OTUD7A: variants seen among roughly 807,000 people sequenced by gnomAD.
The protein encoded by OTUD7A is OTU domain-containing protein 7A.
OTUD7A carries 12 observed loss-of-function variants against 65.7 expected under a neutral mutation model. The ratio of observed to expected loss-of-function variants is 0.18; its 90% confidence interval spans 0.12 to 0.30. The LOEUF (loss-of-function observed/expected upper bound fraction) is 0.30, where lower values mean the gene tolerates loss of function less well. Among genes scored for constraint, OTUD7A ranks in the 10% least tolerant of loss-of-function variants. The pLI is 1.00. For synonymous variants in OTUD7A, 641 were observed against 586.3 expected (o/e 1.09, Z -1.35); for missense variants, 1,148 against 1,304.8 (o/e 0.88, Z 1.85).
intron 3 of OTUD7A, among the ~76,000 whole-genome samples, chr15:31,645,364 C>T (rs1394554469): frequency 6.6e-6 from 1 of 152,200 alleles, no homozygotes; most frequent in Non-Finnish European, 1.5e-5. Flanking sequence ...GTGGAAGTTT[C>T]CTGGTGCTGT....
At chr15:31,531,098 G>A (rs1163088695) in intron 5 of OTUD7A, among the ~76,000 whole-genome samples, 1 of 152,120 alleles carries the variant, frequency 6.6e-6, no homozygotes, top group African/African-American at 2.4e-5. Flanking sequence ...ACATTTCTTT[G>A]TAATTTCCTT....
At chr15:31,865,029 C>A (rs939366420) in intron 1 of OTUD7A, among the ~76,000 whole-genome samples, 1 of 99,064 alleles carries the variant, frequency 1.0e-5, no homozygotes, top group African/African-American at 3.1e-5. Context: ...CTTGTGGCCC[C>A]CCCCTGGGGT....
chr15:31,641,859 TAA>T (rs769613799), intron 3 of OTUD7A, among the ~76,000 whole-genome samples: 2 of 152,212 alleles, frequency 1.3e-5, no homozygotes, highest in Non-Finnish European at 2.9e-5. Context: ...CACCTGTGAA[TAA>T]AGATAGTTTG....
intron 3 of OTUD7A, among the ~76,000 whole-genome samples, chr15:31,571,752 T>C (rs1246863001): frequency 6.6e-6 from 1 of 152,226 alleles, no homozygotes; most frequent in African/African-American, 2.4e-5. Flanking sequence ...AGCCAGCTAG[T>C]AAGCAACGGA....
intron 1 of OTUD7A, chr15:31,767,603 C>T: frequency 1.2e-6 from 1 of 813,932 alleles, no homozygotes; most frequent in Non-Finnish European, 2.2e-6. Context: ...GGATGGCACA[C>T]CTAAAATAGT....
At chr15:31,827,836 A>G (rs1206397141) in intron 1 of OTUD7A, among the ~76,000 whole-genome samples, 1 of 78,654 alleles carries the variant, frequency 1.3e-5, no homozygotes, top group Non-Finnish European at 2.8e-5. Context: ...CTGTGGCAGG[A>G]GAATTGCTTG....
chr15:31,590,078 G>A (rs956220473), intron 3 of OTUD7A, among the ~76,000 whole-genome samples: 1 of 152,058 alleles, frequency 6.6e-6, no homozygotes, highest in African/African-American at 2.4e-5. Flanking sequence ...CACATACAAT[G>A]GTATTCTCAC....
Position 31,484,025 on chromosome 15 carries a change from CGGCAGCGGCGGCCGCAGT to C in OTUD7A, c.2053_2070del (p.Thr685_Ala690del). 1 of 1,232,804 alleles carries C rather than the reference CGGCAGCGGCGGCCGCAGT, an allele frequency of 8.1e-7. No homozygotes were observed. The highest frequency in any genetic ancestry group is 1.0e-6 in the Non-Finnish European group (1 of 990,992). The allele number at this position is 1,232,804 out of a possible 1,614,324, so 76.4% of individuals were successfully genotyped here. ...TTGGCCGTGGCGGCGGCGGCGGCGG[CGGCAGCGGCGGCCGCAGT>C]AGCGGCGTCGCGGCGCCGCTGCTCC... On this transcript the variant is annotated inframe_deletion, in exon 13 of 13. Transcript: ENST00000307050. The surrounding 1 kb of genome is among the most constrained non-coding windows in gnomAD (Gnocchi z 4.5).
intron 3 of OTUD7A, among the ~76,000 whole-genome samples, chr15:31,602,843 T>C (rs1163493519): frequency 2.0e-5 from 3 of 152,124 alleles, no homozygotes; most frequent in African/African-American, 4.8e-5. Context: ...CCATTCACAA[T>C]TGCTACTAAG....
At chr15:31,633,827 C>T (rs1595673333) in intron 3 of OTUD7A, among the ~76,000 whole-genome samples, 1 of 152,172 alleles carries the variant, frequency 6.6e-6, no homozygotes, top group African/African-American at 2.4e-5. Context: ...CTATCTTGCT[C>T]CCCACCCGCT....
rs552460320 is a variant in OTUD7A at position 31,837,788 on chromosome 15, T to C, written c.-100+32719A>G. ...ATATGGACAAGCTTAATCTAAAATATTTATGGAAAGGCAAAGAAGTTGGAA... is the reference window on the plus strand; with the variant it reads ...ATATGGACAAGCTTAATCTAAAATACTTATGGAAAGGCAAAGAAGTTGGAA... On this transcript the variant is annotated intron_variant, in intron 1 of 12. Coordinates refer to ENST00000307050, the MANE Select transcript of OTUD7A (RefSeq NM_001382637.1). Among the ~76,000 whole-genome samples the C allele has an allele frequency of 2.6e-5, 4 of 152,312 alleles. No homozygotes were observed. In the South Asian group the frequency reaches 8.3e-4, roughly 32 times the overall value.
intron 3 of OTUD7A, 93 bp downstream of exon 3, chr15:31,655,003 C>G (rs929777215): frequency 1.5e-4 from 219 of 1,446,946 alleles, no homozygotes; most frequent in African/African-American, 2.1e-4. Flanking sequence ...ACTTAGTGCT[C>G]AAGTACCACT....
At chr15:31,522,287 G>A (rs1034297577) in intron 8 of OTUD7A, among the ~76,000 whole-genome samples, 1 of 152,206 alleles carries the variant, frequency 6.6e-6, no homozygotes, top group African/African-American at 2.4e-5. Flanking sequence ...CAGTGGCGGA[G>A]GGCGGAATAA....
intron 1 of OTUD7A, among the ~76,000 whole-genome samples, chr15:31,779,748 T>C (rs755606886): frequency 5.9e-5 from 9 of 152,006 alleles, no homozygotes; most frequent in Non-Finnish European, 1.3e-4. Context: ...CCGGGCCACT[T>C]TGGAGCCCTA....
chr15:31,826,159 C>T (rs1896792424), intron 1 of OTUD7A, among the ~76,000 whole-genome samples: 1 of 152,238 alleles, frequency 6.6e-6, no homozygotes. Context: ...CTGTGTGGGG[C>T]TCCGACCCCA....
chr15:31,583,477 C>T (rs1014680493), intron 3 of OTUD7A, among the ~76,000 whole-genome samples: 1 of 151,974 alleles, frequency 6.6e-6, no homozygotes, highest in African/African-American at 2.4e-5. Context: ...CCCATAATTC[C>T]CGTACGTTGT....
At chr15:31,860,872 A>ATTTTTTTT (rs5811669) in intron 1 of OTUD7A, among the ~76,000 whole-genome samples, 3 of 87,040 alleles carry the variant, frequency 3.4e-5, no homozygotes, top group East Asian at 3.4e-4. Context: ...TGCCCAGCTA[A>ATTTTTTTT]TTTTTTTTTT....
At chr15:31,651,026 T>C (rs1351055922) in intron 3 of OTUD7A, among the ~76,000 whole-genome samples, 1 of 135,986 alleles carries the variant, frequency 7.4e-6, no homozygotes, top group African/African-American at 2.9e-5. Context: ...TTAATAGAAA[T>C]GACTGAATCT....
intron 3 of OTUD7A, among the ~76,000 whole-genome samples, chr15:31,623,113 T>G (rs12902319): frequency 0.33 from 50,466 of 152,130 alleles, 11,089 homozygotes; most frequent in African/African-American, 0.62. Flanking sequence ...CTGCCTGATC[T>G]TTCCTCTGGA....
Sources: allele counts gnomAD v4.1 joint callset (sites outside exome capture counted in the v4.1 genomes callset), GRCh38; gene constraint gnomAD v4.1.1; non-coding constraint Gnocchi (gnomAD v3.1); transcripts MANE v1.5; gene names NCBI Gene and HGNC (gene_info 2026-07-23, HGNC 2026-07-21).